Variants in APBB2 observed in about 807,000 individuals in gnomAD.
The protein encoded by APBB2 is Fe65-like 1.
A neutral mutation model predicts 82.5 loss-of-function variants in APBB2; 38 were observed. That is an observed-to-expected ratio of 0.46 (90% CI 0.36 to 0.60). APBB2 has a LOEUF of 0.60. Among genes scored for constraint, APBB2 ranks in the 20% least tolerant of loss-of-function variants. APBB2 has a pLI of 0.00. For synonymous variants in APBB2, 341 were observed against 368.2 expected (o/e 0.93, Z 0.85); for missense variants, 772 against 972.3 (o/e 0.79, Z 2.74).
chr4:40,940,514 G>C (rs1786597151), intron 7 of APBB2, among the ~76,000 whole-genome samples: 1 of 152,182 alleles, frequency 6.6e-6, no homozygotes, highest in African/African-American at 2.4e-5. Flanking sequence ...GAGTGAAGAA[G>C]TTCAGAAAAA....
chr4:40,987,020 G>C (rs577445028), intron 6 of APBB2, among the ~76,000 whole-genome samples: 1 of 152,204 alleles, frequency 6.6e-6, no homozygotes, highest in East Asian at 1.9e-4. Context: ...TTAAAGCAAA[G>C]CCAAAAATCA....
At chr4:40,991,659 C>A (rs1286038115) in intron 6 of APBB2, among the ~76,000 whole-genome samples, 1 of 151,846 alleles carries the variant, frequency 6.6e-6, no homozygotes, top group Admixed American at 6.6e-5. Context: ...GAAAGAAAAA[C>A]ACACACACAC....
intron 3 of APBB2, among the ~76,000 whole-genome samples, chr4:41,094,295 G>C (rs1742768222): frequency 6.6e-6 from 1 of 152,178 alleles, no homozygotes; most frequent in African/African-American, 2.4e-5. Context: ...AGCAAGCATA[G>C]CTTTATAGCC....
rs911211225 is a variant in APBB2, at chr4:40,931,444, A to AT, written c.1254+3011dup. Among the ~76,000 whole-genome samples, 21 of 151,824 alleles carry AT rather than the reference A, an allele frequency of 1.4e-4. No individual in the cohort carries two copies. In the South Asian group the frequency reaches 4.0e-3, roughly 29 times the overall value. On this transcript the variant is annotated intron_variant, in intron 10 of 17. Transcript: ENST00000508593. ...GGACACCACACCCAGCTATTTTTTT[A>AT]TTTTTTTGTAGCGACAAGGTCTTGC...
intron 3 of APBB2, among the ~76,000 whole-genome samples, chr4:41,074,658 G>A (rs1579798617): frequency 6.8e-6 from 1 of 147,700 alleles, no homozygotes; most frequent in African/African-American, 2.5e-5. Flanking sequence ...CGCCCAGGCT[G>A]GAGTGCAGTG....
At chr4:40,881,539 T>TTTTTTC (rs1768597070) in intron 12 of APBB2, 1 of 250,110 alleles carries the variant, frequency 4.0e-6, no homozygotes, top group Non-Finnish European at 6.0e-6. Flanking sequence ...TTTTTCTTTT[T>TTTTTTC]TTTTTTTTTT....
intron 1 of APBB2, among the ~76,000 whole-genome samples, chr4:41,211,423 T>C (rs1043964009): frequency 2.1e-5 from 3 of 141,988 alleles, no homozygotes; most frequent in Non-Finnish European, 4.6e-5. Context: ...ACTTAAGGTG[T>C]TATATCACAA....
intron 4 of APBB2, among the ~76,000 whole-genome samples, chr4:41,033,602 A>G (rs1717931499): frequency 6.6e-6 from 1 of 150,584 alleles, no homozygotes; most frequent in Non-Finnish European, 1.5e-5. Context: ...ACACACACAC[A>G]CACACACACA....
chr4:41,011,414 G>C (rs1808329336), intron 6 of APBB2, among the ~76,000 whole-genome samples: 1 of 150,532 alleles, frequency 6.6e-6, no homozygotes, highest in Admixed American at 6.6e-5. Flanking sequence ...CTCCTGACCT[G>C]GTGATCCACT....
At chr4:41,198,406 T>C in intron 1 of APBB2, among the ~76,000 whole-genome samples, 3 of 152,240 alleles carry the variant, frequency 2.0e-5, no homozygotes, top group Non-Finnish European at 4.4e-5. Flanking sequence ...TCATTTCCTT[T>C]TAGCTTTGAA....
intron 10 of APBB2, among the ~76,000 whole-genome samples, chr4:40,911,222 C>G (rs1011076354): frequency 6.6e-6 from 1 of 152,152 alleles, no homozygotes; most frequent in African/African-American, 2.4e-5. Flanking sequence ...GTTGACTTCT[C>G]GAATCCGTGG....
At chr4:40,822,281 G>T in intron 16 of APBB2, 1 of 520,554 alleles carries the variant, frequency 1.9e-6, no homozygotes, top group South Asian at 2.4e-5. Flanking sequence ...CATGGGGTGT[G>T]ATGTGGGTCC....
At chr4:40,836,623 AGCCCAGGAGAG>A (rs2154307784) in intron 12 of APBB2, among the ~76,000 whole-genome samples, 1 of 152,330 alleles carries the variant, frequency 6.6e-6, no homozygotes, top group East Asian at 1.9e-4. Context: ...GGGCAGGAGA[AGCCCAGGAGAG>A]GCTGGTCCCA....
intron 2 of APBB2, among the ~76,000 whole-genome samples, chr4:41,139,757 G>A (rs1758565845): frequency 6.6e-6 from 1 of 152,172 alleles, no homozygotes; most frequent in Admixed American, 6.5e-5. Context: ...CAGGGGTTCA[G>A]GAAGAAGAAA....
chr4:41,129,376 T>C (rs1261394067), intron 2 of APBB2, among the ~76,000 whole-genome samples: 4 of 152,232 alleles, frequency 2.6e-5, no homozygotes, highest in East Asian at 3.9e-4. Flanking sequence ...CCTGCCTCCA[T>C]GTCCCCTCTC....
At chr4:41,129,541 A>G (rs190078042) in intron 2 of APBB2, among the ~76,000 whole-genome samples, 1 of 152,318 alleles carries the variant, frequency 6.6e-6, no homozygotes, top group African/African-American at 2.4e-5. Context: ...TATTAGATCA[A>G]CAGGCTTTGT....
At chr4:41,105,517 A>G (rs1746867039) in intron 2 of APBB2, among the ~76,000 whole-genome samples, 1 of 152,210 alleles carries the variant, frequency 6.6e-6, no homozygotes, top group South Asian at 2.1e-4. Context: ...ATTGTTTTGG[A>G]AATTTTGAAA....
intron 1 of APBB2, among the ~76,000 whole-genome samples, chr4:41,209,242 T>C (rs562129057): frequency 3.3e-4 from 50 of 152,336 alleles, no homozygotes; most frequent in Middle Eastern, 3.4e-3. Flanking sequence ...TAAAGGTTAA[T>C]GAGGCTGAGT....
intron 4 of APBB2, among the ~76,000 whole-genome samples, chr4:41,047,394 G>T (rs918818501): frequency 5.3e-5 from 8 of 152,264 alleles, no homozygotes; most frequent in African/African-American, 1.9e-4. Context: ...TACAGAAAGG[G>T]TACTGCCCCC....
Sources: gnomAD v4.1 joint callset for allele counts (sites outside exome capture counted in the v4.1 genomes callset) on GRCh38, gnomAD v4.1.1 for gene constraint, MANE v1.5 for transcripts, NCBI Gene and HGNC (gene_info 2026-07-23, HGNC 2026-07-21) for gene names.